BRINP1: variants seen among roughly 807,000 people sequenced by gnomAD.
BRINP1 encodes BMP/retinoic acid inducible neural specific 1, also known as BMP/retinoic acid-inducible neural-specific protein 1.
BRINP1 carries 17 observed loss-of-function variants against 72.9 expected under a neutral mutation model. That is an observed-to-expected ratio of 0.23 (90% CI 0.16 to 0.35). The LOEUF is 0.35. Ranked by LOEUF, BRINP1 falls within the 10% of genes least tolerant of loss-of-function variation. BRINP1 has a pLI of 1.00. For synonymous variants in BRINP1, 418 were observed against 378.5 expected, an observed-to-expected ratio of 1.10 and a Z score of -1.21; for missense variants, 850 against 1,001.6, an observed-to-expected ratio of 0.85 and a Z score of 2.04.
chr9:119,350,789 T>C (rs1188827110), intron 1 of BRINP1, among the ~76,000 whole-genome samples: 2 of 152,128 alleles, frequency 1.3e-5, no homozygotes, highest in African/African-American at 4.8e-5. Flanking sequence ...AAAACTGTAA[T>C]ACCTGCTTCA....
At chr9:119,318,179 C>A (rs1564246910) in intron 1 of BRINP1, among the ~76,000 whole-genome samples, 1 of 152,154 alleles carries the variant, frequency 6.6e-6, no homozygotes, top group Non-Finnish European at 1.5e-5. Flanking sequence ...GTCATGTCCC[C>A]TCTCAAGACC....
At chr9:119,286,903 A>G (rs1830766965) in intron 2 of BRINP1, among the ~76,000 whole-genome samples, 1 of 152,202 alleles carries the variant, frequency 6.6e-6, no homozygotes, top group Non-Finnish European at 1.5e-5. Flanking sequence ...CAACTGCTAG[A>G]TAGACTTTAA....
In BRINP1 at chr9:119,352,402, A is replaced by G. The variant is rs557494253; in HGVS notation, c.-51+16654T>C. Among the ~76,000 whole-genome samples, 4 of 152,186 alleles carry G rather than the reference A, an allele frequency of 2.6e-5. No homozygotes were observed. In the South Asian group the frequency reaches 6.2e-4, roughly 24 times the overall value. On this transcript the variant is annotated intron_variant, in intron 1 of 7. Coordinates refer to ENST00000265922, the MANE Select transcript of BRINP1 (RefSeq NM_014618.3). ...CTGTCTTTTAAAAGGCTCTCATTTC[A>G]TTTCATGATTCTATGATTTCTAAGA...
At chr9:119,281,451 G>A (rs977196966) in intron 2 of BRINP1, among the ~76,000 whole-genome samples, 5 of 152,022 alleles carry the variant, frequency 3.3e-5, no homozygotes, top group Non-Finnish European at 7.4e-5. Flanking sequence ...GGGAGAGACA[G>A]AGAGAGTAAA....
intron 2 of BRINP1, among the ~76,000 whole-genome samples, chr9:119,299,561 C>T (rs1178167270): frequency 6.7e-6 from 1 of 149,134 alleles, no homozygotes; most frequent in East Asian, 2.0e-4. Context: ...TGCAGTGAGC[C>T]GAGACTGCAC....
chr9:119,289,252 G>C (rs1043857822), intron 2 of BRINP1, among the ~76,000 whole-genome samples: 5 of 152,234 alleles, frequency 3.3e-5, no homozygotes, highest in Non-Finnish European at 2.9e-5. Context: ...AGAAGTAATT[G>C]GGTGTGGCCT....
intron 3 of BRINP1, among the ~76,000 whole-genome samples, chr9:119,245,669 C>T (rs1220112819): frequency 6.6e-6 from 1 of 152,190 alleles, no homozygotes; most frequent in African/African-American, 2.4e-5. Flanking sequence ...CCTTCCCTTC[C>T]TCTTTCCTCT....
At chr9:119,297,913 A>G (rs1342201265) in intron 2 of BRINP1, among the ~76,000 whole-genome samples, 1 of 152,174 alleles carries the variant, frequency 6.6e-6, no homozygotes, top group African/African-American at 2.4e-5. Flanking sequence ...TGCAACCTCC[A>G]TTTTTCTCTT....
chr9:119,243,234 C>T (rs1830276649), intron 3 of BRINP1, among the ~76,000 whole-genome samples: 1 of 152,078 alleles, frequency 6.6e-6, no homozygotes, highest in Non-Finnish European at 1.5e-5. Flanking sequence ...TGACAGGACC[C>T]AGTGTGTGTT....
intron 7 of BRINP1, among the ~76,000 whole-genome samples, chr9:119,185,434 A>G (rs900925115): frequency 6.6e-6 from 1 of 152,198 alleles, no homozygotes; most frequent in Non-Finnish European, 1.5e-5. Flanking sequence ...TCCTCACAAC[A>G]TCTCTGAAGA....
At chr9:119,175,712 C>A (rs75997157) in intron 7 of BRINP1, among the ~76,000 whole-genome samples, 7,209 of 152,240 alleles carry the variant, frequency 0.047, 253 homozygotes, top group Non-Finnish European at 0.072. Context: ...TAAGAAGCAG[C>A]ATCAGAGTAG....
chr9:119,183,692 A>G (rs1829581420), intron 7 of BRINP1, among the ~76,000 whole-genome samples: 2 of 152,248 alleles, frequency 1.3e-5, no homozygotes, highest in African/African-American at 4.8e-5. Context: ...ATAAGGCAGC[A>G]AAACATGACA....
intron 5 of BRINP1, among the ~76,000 whole-genome samples, chr9:119,224,047 A>G (rs752569884): frequency 3.3e-5 from 5 of 152,042 alleles, no homozygotes; most frequent in African/African-American, 4.8e-5. Context: ...AAATTAAAGT[A>G]CTCAATTGAA....
chr9:119,289,928 GA>G (rs1245337962), intron 2 of BRINP1, among the ~76,000 whole-genome samples: 1 of 152,186 alleles, frequency 6.6e-6, no homozygotes, highest in African/African-American at 2.4e-5. Context: ...GGGCCAGTCT[GA>G]AAACTTACTG....
intron 5 of BRINP1, among the ~76,000 whole-genome samples, chr9:119,224,081 T>G (rs1830067380): frequency 6.6e-6 from 1 of 152,078 alleles, no homozygotes; most frequent in African/African-American, 2.4e-5. Context: ...AGTCCTTTCA[T>G]TTACCACTTT....
intron 2 of BRINP1, among the ~76,000 whole-genome samples, chr9:119,262,360 G>A (rs997632437): frequency 1.3e-5 from 2 of 152,090 alleles, no homozygotes; most frequent in African/African-American, 4.8e-5. Flanking sequence ...GAGGCCAGGC[G>A]CGGTGGCTCA....
At chr9:119,239,767 A>G (rs561691066) in intron 4 of BRINP1, among the ~76,000 whole-genome samples, 1 of 152,306 alleles carries the variant, frequency 6.6e-6, no homozygotes, top group South Asian at 2.1e-4. Flanking sequence ...AGGGTTTAGC[A>G]CTTCGGGTGC....
intron 1 of BRINP1, among the ~76,000 whole-genome samples, chr9:119,328,751 TCAAA>T (rs960097968): frequency 6.6e-6 from 1 of 152,026 alleles, no homozygotes; most frequent in African/African-American, 2.4e-5. Flanking sequence ...AAGAAGTAAC[TCAAA>T]CAGAGCCAGT....
intron 5 of BRINP1, among the ~76,000 whole-genome samples, chr9:119,237,237 T>A (rs1388556230): frequency 1.3e-5 from 2 of 152,026 alleles, no homozygotes; most frequent in Non-Finnish European, 2.9e-5. Flanking sequence ...AGTTAATACA[T>A]GATCATTGTA....
Sources: allele counts gnomAD v4.1 joint callset (sites outside exome capture counted in the v4.1 genomes callset), GRCh38; gene constraint gnomAD v4.1.1; transcripts MANE v1.5; gene names NCBI Gene and HGNC (gene_info 2026-07-23, HGNC 2026-07-21).